Variants in NKAIN2 observed in about 807,000 individuals in gnomAD.
NKAIN2 encodes the protein sodium/potassium-transporting ATPase subunit beta-1-interacting protein 2.
A neutral mutation model predicts 32.6 loss-of-function variants in NKAIN2; 14 were observed. The observed-to-expected ratio is 0.43, with a 90% CI of 0.28 to 0.67. NKAIN2 has a LOEUF of 0.67. Ranked by LOEUF, NKAIN2 falls within the 30% of genes least tolerant of loss-of-function variation. The pLI is 0.17. For synonymous variants in NKAIN2, 80 were observed against 87.2 expected (o/e 0.92, Z 0.46); for missense variants, 198 against 258.3 (o/e 0.77, Z 1.60).
intron 1 of NKAIN2, among the ~76,000 whole-genome samples, chr6:124,064,138 A>C (rs1044567775): frequency 2.6e-5 from 4 of 151,962 alleles, no homozygotes; most frequent in Non-Finnish European, 4.4e-5. Context: ...TTCTTAGTAT[A>C]GACTGGGTTT....
chr6:124,061,335 C>CT (rs568706636), intron 1 of NKAIN2, among the ~76,000 whole-genome samples: 4 of 151,964 alleles, frequency 2.6e-5, no homozygotes, highest in Non-Finnish European at 5.9e-5. Context: ...ATTATATAAT[C>CT]TTTTTTATTA....
intron 3 of NKAIN2, among the ~76,000 whole-genome samples, chr6:124,529,732 A>C (rs551649274): frequency 1.3e-5 from 2 of 152,284 alleles, no homozygotes; most frequent in African/African-American, 4.8e-5. Flanking sequence ...CAAGAATAGC[A>C]GATGTTTTCT....
Position 124,086,277 on chromosome 6 carries a change from A to C in NKAIN2, c.55-196728A>C, listed in dbSNP as rs141440159. 1.3e-3 allele frequency among the ~76,000 whole-genome samples: 194 copies of C among 152,104 alleles called. 1 individual carries two copies. The highest frequency in any genetic ancestry group is 1.9e-3 in the Non-Finnish European group (132 of 67,914). On this transcript the variant is annotated intron_variant, in intron 1 of 6. Coordinates refer to ENST00000368417, the MANE Select transcript of NKAIN2 (RefSeq NM_001040214.3). ...GTGTTTGAAATATGACTGGTTAGTA[A>C]ACTTTGGAGTTTGACAAACTATATA...
chr6:124,052,857 T>C (rs1782474159), intron 1 of NKAIN2, among the ~76,000 whole-genome samples: 1 of 151,948 alleles, frequency 6.6e-6, no homozygotes, highest in Non-Finnish European at 1.5e-5. Context: ...TTTAACTCTT[T>C]TGGTTAATCT....
At chr6:123,952,387 T>C (rs1204058496) in intron 1 of NKAIN2, among the ~76,000 whole-genome samples, 1 of 152,166 alleles carries the variant, frequency 6.6e-6, no homozygotes, top group Non-Finnish European at 1.5e-5. Flanking sequence ...AGTTGCATTG[T>C]ATATTTTTGG....
chr6:124,024,896 A>G (rs1215596076), intron 1 of NKAIN2, among the ~76,000 whole-genome samples: 2 of 151,966 alleles, frequency 1.3e-5, no homozygotes, highest in Non-Finnish European at 2.9e-5. Context: ...CTTAGGCAGG[A>G]GAATCGCTTG....
chr6:124,192,224 C>T (rs1027737148), intron 1 of NKAIN2, among the ~76,000 whole-genome samples: 1 of 152,134 alleles, frequency 6.6e-6, no homozygotes, highest in African/African-American at 2.4e-5. Flanking sequence ...CTGATATAGA[C>T]ATTTACAACC....
intron 1 of NKAIN2, among the ~76,000 whole-genome samples, chr6:124,124,060 G>A (rs1290850232): frequency 2.0e-5 from 3 of 152,032 alleles, no homozygotes; most frequent in Non-Finnish European, 4.4e-5. Context: ...CAGCTATGAT[G>A]CTGTCATACT....
intron 1 of NKAIN2, among the ~76,000 whole-genome samples, chr6:124,069,340 A>T (rs1783332329): frequency 6.6e-6 from 1 of 152,114 alleles, no homozygotes; most frequent in South Asian, 2.1e-4. Flanking sequence ...AAAATCCCTG[A>T]TTTCAGGAGA....
chr6:124,387,975 G>T (rs1772981686), intron 3 of NKAIN2, among the ~76,000 whole-genome samples: 1 of 151,988 alleles, frequency 6.6e-6, no homozygotes, highest in African/African-American at 2.4e-5. Flanking sequence ...AGACATTTTT[G>T]GTTGTTATAA....
chr6:124,365,557 A>G (rs1799483504), intron 3 of NKAIN2, among the ~76,000 whole-genome samples: 1 of 152,002 alleles, frequency 6.6e-6, no homozygotes, highest in African/African-American at 2.4e-5. Flanking sequence ...TAATAGAATT[A>G]AAAGGAGAAA....
chr6:123,963,051 A>G (rs1166308643), intron 1 of NKAIN2, among the ~76,000 whole-genome samples: 1 of 152,154 alleles, frequency 6.6e-6, no homozygotes, highest in Non-Finnish European at 1.5e-5. Context: ...AAGACATTGT[A>G]CAAGAGTTGT....
chr6:124,346,111 C>A (rs1029602195), intron 2 of NKAIN2, among the ~76,000 whole-genome samples: 13 of 152,092 alleles, frequency 8.5e-5, no homozygotes, highest in Admixed American at 3.9e-4. Flanking sequence ...CATTCAGGAG[C>A]AGGTTGTTCA....
At chr6:124,391,099 T>C (rs1407990133) in intron 3 of NKAIN2, 1 of 152,166 alleles carries the variant, frequency 6.6e-6, no homozygotes, top group East Asian at 1.9e-4. Flanking sequence ...TTCCATAACC[T>C]GTGCATAGAT....
At chr6:124,673,475 T>A (rs1308672048) in intron 4 of NKAIN2, among the ~76,000 whole-genome samples, 1 of 152,028 alleles carries the variant, frequency 6.6e-6, no homozygotes. Flanking sequence ...TGTTACACCA[T>A]TTTACATTTC....
At chr6:124,344,439 C>G (rs1010839980) in intron 2 of NKAIN2, among the ~76,000 whole-genome samples, 48 of 151,596 alleles carry the variant, frequency 3.2e-4, no homozygotes, top group African/African-American at 8.7e-4. Flanking sequence ...GCCATTTTCA[C>G]GATATTGATT....
rs574691861 is a variant in NKAIN2 at position 124,712,613 on chromosome 6, G to A, written c.474+54227G>A. Among the ~76,000 whole-genome samples, 315 of 149,140 alleles carry A rather than the reference G, an allele frequency of 2.1e-3. 1 individual carries two copies. The highest frequency in any genetic ancestry group is 7.0e-3 in the African/African-American group (281 of 40,042). ...CGTCCGTCACCCCTTTCTTTGAGTC[G>A]GAAAGGGAACTCCCTGACCCCTTGC... On this transcript the variant is annotated intron_variant, in intron 4 of 6. Coordinates refer to ENST00000368417, the MANE Select transcript of NKAIN2 (RefSeq NM_001040214.3).
chr6:124,123,862 T>C (rs954661372), intron 1 of NKAIN2, among the ~76,000 whole-genome samples: 1 of 152,094 alleles, frequency 6.6e-6, no homozygotes, highest in Non-Finnish European at 1.5e-5. Context: ...ACAAAGTTGA[T>C]TGCCTAATCA....
intron 1 of NKAIN2, among the ~76,000 whole-genome samples, chr6:123,867,991 C>A (rs1772638506): frequency 6.6e-6 from 1 of 151,838 alleles, no homozygotes; most frequent in African/African-American, 2.4e-5. Context: ...GCCTCAGCCT[C>A]CCGAGTAGCT....
Sources: allele counts gnomAD v4.1 joint callset (sites outside exome capture counted in the v4.1 genomes callset), GRCh38; gene constraint gnomAD v4.1.1; transcripts MANE v1.5; gene names NCBI Gene and HGNC (gene_info 2026-07-23, HGNC 2026-07-21).